Variants in IL1RAPL1 observed in about 807,000 individuals in gnomAD.
IL1RAPL1 encodes the protein interleukin-1 receptor accessory protein-like 1.
Under a neutral mutation model 48.4 loss-of-function variants are expected in IL1RAPL1, and 3 were observed. The ratio of observed to expected loss-of-function variants is 0.06; its 90% CI spans 0.03 to 0.16. The LOEUF (loss-of-function observed/expected upper bound fraction) is 0.16. IL1RAPL1 is among the 10% of genes least tolerant of loss of function. The pLI is 1.00. For missense variants in IL1RAPL1, 349 were observed against 530.6 expected (o/e 0.66, Z 3.36); for synonymous variants, 185 against 187.7 (o/e 0.99, Z 0.12).
chrX:28,874,500 A>C (rs1480135233), intron 2 of IL1RAPL1, among the ~76,000 whole-genome samples: 1 of 112,377 alleles, frequency 8.9e-6, no homozygotes, highest in Non-Finnish European at 1.9e-5. Flanking sequence ...TTCAATCATC[A>C]GTTATCTAGG....
chrX:29,889,770 T>C (rs759174589), intron 6 of IL1RAPL1, among the ~76,000 whole-genome samples: 1 of 111,537 alleles, frequency 9.0e-6, no homozygotes, highest in Admixed American at 9.6e-5. Flanking sequence ...AAAAACTGTT[T>C]CCATGGTTAC....
At chrX:28,824,184 G>A (rs1175225248) in intron 2 of IL1RAPL1, among the ~76,000 whole-genome samples, 1 of 111,123 alleles carries the variant, frequency 9.0e-6, no homozygotes, top group Non-Finnish European at 1.9e-5. Context: ...CACTTGAATT[G>A]ATTCCATTCA....
chrX:29,269,095 A>G (rs1159284353), intron 2 of IL1RAPL1, among the ~76,000 whole-genome samples: 1 of 112,136 alleles, frequency 8.9e-6, no homozygotes, highest in Non-Finnish European at 1.9e-5. Context: ...CTATTTATTA[A>G]CCATACAAAA....
chrX:28,709,140 A>G (rs1369546738), intron 1 of IL1RAPL1, among the ~76,000 whole-genome samples: 1 of 112,488 alleles, frequency 8.9e-6, no homozygotes, highest in Non-Finnish European at 1.9e-5. Context: ...ATTATAATGC[A>G]TAAACTCGAT....
chrX:29,474,990 T>C (rs1934958533), intron 5 of IL1RAPL1, among the ~76,000 whole-genome samples: 1 of 112,292 alleles, frequency 8.9e-6, no homozygotes, highest in South Asian at 3.7e-4. Flanking sequence ...TGGTTTATCC[T>C]TTTATATGCC....
chrX:29,429,823 A>C (rs1375974376), intron 5 of IL1RAPL1, among the ~76,000 whole-genome samples: 1 of 109,593 alleles, frequency 9.1e-6, no homozygotes, highest in African/African-American at 3.3e-5. Context: ...AATGAACCTC[A>C]TATCAGTCAT....
intron 1 of IL1RAPL1, among the ~76,000 whole-genome samples, chrX:28,690,152 T>A (rs920029611): frequency 1.3e-4 from 15 of 111,785 alleles, no homozygotes; most frequent in African/African-American, 4.2e-4. Context: ...CATCTCCTTC[T>A]TTCAGCCTTG....
At chrX:28,801,593 C>T (rs1317509486) in intron 2 of IL1RAPL1, among the ~76,000 whole-genome samples, 2 of 111,887 alleles carry the variant, frequency 1.8e-5, no homozygotes, top group African/African-American at 6.5e-5. Flanking sequence ...GTGATGATCA[C>T]AAAAATTACA....
chrX:28,601,129 A>C (rs1934019919), intron 1 of IL1RAPL1, among the ~76,000 whole-genome samples: 1 of 111,574 alleles, frequency 9.0e-6, no homozygotes, highest in South Asian at 3.8e-4. Flanking sequence ...TACAGATATA[A>C]ACATCTCTCG....
intron 5 of IL1RAPL1, among the ~76,000 whole-genome samples, chrX:29,546,711 T>C (rs1237282785): frequency 1.8e-5 from 2 of 111,825 alleles, no homozygotes; most frequent in Non-Finnish European, 3.8e-5. Context: ...ACTGAAGGTA[T>C]ATTATATTCA....
chrX:28,771,960 GAAAA>G (rs1936313841), intron 1 of IL1RAPL1, among the ~76,000 whole-genome samples: 1 of 77,632 alleles, frequency 1.3e-5, no homozygotes, highest in Non-Finnish European at 2.5e-5. Context: ...AAAAAAAAAA[GAAAA>G]AAGAAAATTG....
intron 6 of IL1RAPL1, among the ~76,000 whole-genome samples, chrX:29,873,225 AT>A (rs1323449168): frequency 1.9e-4 from 21 of 111,087 alleles, no homozygotes; most frequent in Admixed American, 1.2e-3. Context: ...AAAAAAAAAA[AT>A]GTAACATGTA....
intron 1 of IL1RAPL1, among the ~76,000 whole-genome samples, chrX:28,657,696 T>C (rs1190530315): frequency 4.5e-5 from 5 of 112,355 alleles, no homozygotes; most frequent in African/African-American, 1.6e-4. Flanking sequence ...ATTATGGCAG[T>C]TGGACATTTG....
chrX:29,693,451 T>C (rs1926828219), intron 6 of IL1RAPL1, among the ~76,000 whole-genome samples: 1 of 102,608 alleles, frequency 9.7e-6, no homozygotes. Flanking sequence ...TTCCATGTGA[T>C]TTTAGAAGGG....
intron 5 of IL1RAPL1, among the ~76,000 whole-genome samples, chrX:29,400,587 A>C (rs773510489): frequency 3.1e-4 from 35 of 112,173 alleles, no homozygotes; most frequent in African/African-American, 1.1e-3. Flanking sequence ...GAAAAGCATA[A>C]AAAGGACATT....
At chrX:29,920,794 C>CAAAAAA (rs1176529100) in intron 8 of IL1RAPL1, among the ~76,000 whole-genome samples, 62 of 31,561 alleles carry the variant, frequency 2.0e-3, no homozygotes, top group East Asian at 2.1e-3. Context: ...GACCCTGTCT[C>CAAAAAA]AAAAAAAAAA....
chrX:29,252,291 A>G (rs764040223), intron 2 of IL1RAPL1, among the ~76,000 whole-genome samples: 109 of 113,200 alleles, frequency 9.6e-4, no homozygotes, highest in Admixed American at 4.5e-3. Flanking sequence ...AAGAAAAAAA[A>G]AAAGAAAATC....
At chrX:29,528,023 G>GT (rs1935572772) in intron 5 of IL1RAPL1, among the ~76,000 whole-genome samples, 1 of 112,172 alleles carries the variant, frequency 8.9e-6, no homozygotes, top group African/African-American at 3.2e-5. Flanking sequence ...TTGAGAAGCT[G>GT]TAGAGAAACA....
intron 1 of IL1RAPL1, among the ~76,000 whole-genome samples, chrX:28,713,336 G>A (rs767254720): frequency 1.8e-3 from 196 of 111,308 alleles, no homozygotes; most frequent in Non-Finnish European, 2.9e-3. Context: ...GATTACAGGC[G>A]TGAGCCACCA....
Sources: gnomAD v4.1 joint callset for allele counts (sites outside exome capture counted in the v4.1 genomes callset) on GRCh38, gnomAD v4.1.1 for gene constraint, MANE v1.5 for transcripts, NCBI Gene and HGNC (gene_info 2026-07-23, HGNC 2026-07-21) for gene names.